The following IQSEC1 variants were observed in gnomAD, a reference collection of about 807,000 sequenced individuals.
The protein encoded by IQSEC1 is IQ motif and Sec7 domain ArfGEF 1, also known as IQ motif and SEC7 domain-containing protein 1.
Under a neutral mutation model 91.0 loss-of-function variants are expected in IQSEC1, and 31 were observed. That is an observed-to-expected ratio of 0.34 (90% CI 0.26 to 0.46). The LOEUF (loss-of-function observed/expected upper bound fraction) is 0.46. Ranked by LOEUF, IQSEC1 falls within the 20% of genes least tolerant of loss-of-function variation. The pLI, the probability that IQSEC1 is intolerant of heterozygous loss-of-function variation, is 1.00. For missense variants in IQSEC1, 1,388 were observed against 1,575.6 expected (o/e 0.88, Z 2.02); for synonymous variants, 699 against 662.6 (o/e 1.05, Z -0.84).
At chr3:13,223,443 C>T (rs1031721234) in intron 1 of IQSEC1, among the ~76,000 whole-genome samples, 9 of 152,170 alleles carry the variant, frequency 5.9e-5, no homozygotes, top group South Asian at 2.1e-4. Flanking sequence ...AAAGCTTCTC[C>T]GCCCACCCAG....
In IQSEC1 at chr3:12,901,051, G is replaced by A; in HGVS notation, c.3277C>T (p.Gln1093Ter). 6.5e-7 allele frequency: 1 copy of A among 1,542,470 alleles called. No individual in the cohort carries two copies. The highest frequency in any genetic ancestry group is 8.7e-7 in the Non-Finnish European group (1 of 1,146,420). Reference sequence around the variant, plus strand: ...GTGGGGGGCGGCGGGGCAGGGGGCTGCCCATGGTGGTGCACTGTGTGCCCC... The same window carrying A: ...GTGGGGGGCGGCGGGGCAGGGGGCTACCCATGGTGGTGCACTGTGTGCCCC... ...HVGHTVHHHG[Q>*]PPAPPPPTSS... The change falls in exon 14 of 14, where the codon CAG becomes TAG. Residue 1093 changes from glutamine (Q) to a stop codon, truncating the protein, a stop_gained. Transcript: ENST00000613206. LOFTEE classifies it high-confidence loss of function.
At position 13,254,336 on chromosome 3, in the gene IQSEC1, G is replaced by A. The variant is rs1367605652; in HGVS notation, c.272+28375C>T. Reference sequence around the variant, plus strand: ...AGGAGGTGCCCAGGCTGGACACGGAGGCCTGATGGCAGTGCCACAAGGGCG... The same window carrying A: ...AGGAGGTGCCCAGGCTGGACACGGAAGCCTGATGGCAGTGCCACAAGGGCG... On this transcript the variant is annotated intron_variant, in intron 1 of 15. Coordinates refer to the IQSEC1 transcript ENST00000648114. Among the ~76,000 whole-genome samples, 3 of 152,180 alleles carry A rather than the reference G, an allele frequency of 2.0e-5. No individual in the cohort carries two copies. The East Asian group carries it at 5.8e-4, about 29-fold the overall frequency.
At chr3:13,210,102 G>C (rs1411699493) in intron 1 of IQSEC1, among the ~76,000 whole-genome samples, 3 of 152,322 alleles carry the variant, frequency 2.0e-5, no homozygotes, top group South Asian at 2.1e-4. Flanking sequence ...TCTCAGCCCA[G>C]GGAGTTAGTG....
intron 2 of IQSEC1, among the ~76,000 whole-genome samples, chr3:13,100,518 G>A (rs1419566011): frequency 6.7e-6 from 1 of 148,672 alleles, no homozygotes; most frequent in Non-Finnish European, 1.5e-5. Flanking sequence ...ACACCTCCTT[G>A]AGCTCCGCCT....
At chr3:13,051,985 TC>T (rs1163030952) in intron 1 of IQSEC1, among the ~76,000 whole-genome samples, 1 of 152,056 alleles carries the variant, frequency 6.6e-6, no homozygotes, top group African/African-American at 2.4e-5. Context: ...TGTGTGCCCC[TC>T]CCCTAGCCTT....
intron 1 of IQSEC1, among the ~76,000 whole-genome samples, chr3:13,181,500 C>T (rs1381965219): frequency 6.6e-6 from 1 of 152,202 alleles, no homozygotes; most frequent in African/African-American, 2.4e-5. Flanking sequence ...ACCCACCCAC[C>T]CACTGATGCA....
At chr3:12,915,470 C>T (rs1436126566) in intron 7 of IQSEC1, 124 bp downstream of exon 7, 2 of 1,061,848 alleles carry the variant, frequency 1.9e-6, no homozygotes, top group Non-Finnish European at 2.7e-6. Context: ...CAAGCCCTGG[C>T]AGAATTCACC....
rs1698077678 is a variant in IQSEC1 at position 12,935,393 on chromosome 3, C to T, written c.1568+55G>A. The T allele has an allele frequency of 7.7e-6, 12 of 1,548,920 alleles. No homozygotes were observed. Among genetic ancestry groups the T allele is most frequent in the Middle Eastern group, 1.7e-4 (1 of 5,730 alleles). On this transcript the variant is annotated intron_variant, in intron 3 of 13. Coordinates refer to ENST00000613206, the MANE Select transcript of IQSEC1 (RefSeq NM_001134382.3). This position sits in a 1 kb window ranked among gnomAD's most constrained non-coding sequence, Gnocchi z 8.0. ...GGAAGGATGCAGCCACGCCCACCCG[C>T]CAAGGCCCAGCAAGCCACAGCTGCC...
intron 1 of IQSEC1, among the ~76,000 whole-genome samples, chr3:13,245,739 C>T (rs577538308): frequency 6.7e-5 from 10 of 148,496 alleles, no homozygotes; most frequent in Admixed American, 6.7e-4. Flanking sequence ...TGCACTCCAG[C>T]CTCAGCAACA....
chr3:13,101,166 C>T (rs186289519), intron 2 of IQSEC1, among the ~76,000 whole-genome samples: 2 of 152,296 alleles, frequency 1.3e-5, no homozygotes, highest in African/African-American at 4.8e-5. Context: ...GACAGTGACA[C>T]GATGCGACTT....
At chr3:13,034,206 C>A (rs780227428) in intron 1 of IQSEC1, among the ~76,000 whole-genome samples, 3 of 152,230 alleles carry the variant, frequency 2.0e-5, no homozygotes, top group Non-Finnish European at 2.9e-5. Context: ...GGCGTCTCCC[C>A]CCAGAGTCAA....
Position 12,941,628 on chromosome 3 carries a change from C to T in IQSEC1, c.261G>A (p.Lys87=). 6.2e-7 allele frequency: 1 copy of T among 1,611,502 alleles called. No homozygotes were observed. Among genetic ancestry groups the T allele is most frequent in the Admixed American group, 1.7e-5 (1 of 59,854 alleles). Residue 87 remains lysine (K), a synonymous_variant, in exon 2 of 14, where the codon AAG becomes AAA. Coordinates refer to ENST00000613206, the MANE Select transcript of IQSEC1 (RefSeq NM_001134382.3). ...LRKQAEEEAI[K]RSRSLSESYE... ...AGCTCTCGGAGAGTGAGCGTGAGCG[C>T]TTGATGGCCTCCTCCTCAGCCTGCT...
At chr3:13,027,007 T>C (rs1344728501) in intron 1 of IQSEC1, among the ~76,000 whole-genome samples, 1 of 151,478 alleles carries the variant, frequency 6.6e-6, no homozygotes, top group Non-Finnish European at 1.5e-5. Flanking sequence ...GAAAACAAAA[T>C]AAATCACTTG....
intron 1 of IQSEC1, among the ~76,000 whole-genome samples, chr3:13,030,055 C>T (rs1403450578): frequency 6.6e-6 from 1 of 152,202 alleles, no homozygotes; most frequent in East Asian, 1.9e-4. Flanking sequence ...CTTCCCATCT[C>T]AGCTTCCGGA....
chr3:13,047,818 A>C (rs939822418), intron 1 of IQSEC1, among the ~76,000 whole-genome samples: 2 of 152,118 alleles, frequency 1.3e-5, no homozygotes, highest in Non-Finnish European at 2.9e-5. Context: ...GGCAGGGTTA[A>C]AGGTCCTCTC....
rs746413127 is a variant in IQSEC1, at chr3:12,936,217, G to A, written c.799C>T (p.Pro267Ser). The part of the protein sequence containing the change: ...LDAARARDTE[P>S]QTALHGMDHR... ...TCCATGCCGTGCAGGGCTGTCTGGG[G>A]TTCGGTGTCCCGGGCCCGCGCCGCA... The change falls in exon 3 of 14, where the codon CCC becomes TCC. Residue 267 changes from proline (P) to serine (S), a missense_variant. Transcript: ENST00000613206. The A allele has an allele frequency of 6.2e-7, 1 of 1,613,140 alleles. No individual in the cohort carries two copies. Among genetic ancestry groups the A allele is most frequent in the Non-Finnish European group, 8.5e-7 (1 of 1,179,992 alleles).
intron 1 of IQSEC1, chr3:13,047,551 C>G: frequency 1.0e-6 from 1 of 981,590 alleles, no homozygotes; most frequent in Non-Finnish European, 1.2e-6. Context: ...GACAGGGTTA[C>G]TTATGGTCCC....
intron 1 of IQSEC1, among the ~76,000 whole-genome samples, chr3:13,000,243 C>T (rs1702366660): frequency 6.6e-6 from 1 of 152,184 alleles, no homozygotes; most frequent in Non-Finnish European, 1.5e-5. Flanking sequence ...AGATGTACGA[C>T]CTTACACAGA....
Position 13,010,597 on chromosome 3 carries a change from G to A in IQSEC1, c.23+62395C>T, listed in dbSNP as rs527474394. ...GTCTGGGGTCATGGTTTGAGCCCCC[G>A]AATCCAACTGTACCTGAAGCCCTGT... On this transcript the variant is annotated intron_variant, in intron 1 of 13. Transcript: ENST00000613206. Among the ~76,000 whole-genome samples the A allele has an allele frequency of 2.0e-4, 31 of 152,290 alleles. No homozygotes were observed. In the South Asian group the frequency reaches 2.3e-3, roughly 11 times the overall value.
Sources: gnomAD v4.1 joint callset for allele counts (sites outside exome capture counted in the v4.1 genomes callset) on GRCh38, gnomAD v4.1.1 for gene constraint, Gnocchi (gnomAD v3.1) non-coding constraint, MANE v1.5 for transcripts, NCBI Gene and HGNC (gene_info 2026-07-23, HGNC 2026-07-21) for gene names.